Variants in EPHB2 observed in about 807,000 individuals in gnomAD.
EPHB2 encodes ephrin type-B receptor 2.
In EPHB2, 18 loss-of-function variants were observed where a neutral mutation model predicts 96.4. The observed-to-expected ratio is 0.19, with a 90% CI of 0.13 to 0.28. EPHB2 has a LOEUF of 0.28. Ranked by LOEUF, EPHB2 falls within the 10% of genes least tolerant of loss-of-function variation. The pLI, the probability that EPHB2 is intolerant of heterozygous loss-of-function variation, is 1.00. For missense variants in EPHB2, 989 were observed against 1,355.4 expected, an observed-to-expected ratio of 0.73 and a Z score of 4.25; for synonymous variants, 506 against 534.1, an observed-to-expected ratio of 0.95 and a Z score of 0.72.
intron 13 of EPHB2, 109 bp from the exon 14 acceptor site, chr1:22,910,273 C>A: frequency 7.0e-7 from 1 of 1,433,492 alleles, no homozygotes; most frequent in African/African-American, 1.4e-5. Context: ...GTTGCCACAG[C>A]AACTAAATAG....
chr1:22,865,933 C>G (rs1638458766), intron 5 of EPHB2, among the ~76,000 whole-genome samples: 1 of 152,132 alleles, frequency 6.6e-6, no homozygotes, highest in Admixed American at 6.5e-5. Context: ...CACCCCCCAC[C>G]CTTCTTTCCT....
chr1:22,789,898 A>G (rs540315802), intron 3 of EPHB2, among the ~76,000 whole-genome samples: 1 of 152,188 alleles, frequency 6.6e-6, no homozygotes, highest in Non-Finnish European at 1.5e-5. Flanking sequence ...AAAGCATTCC[A>G]GGCAGAGGGT....
At chr1:22,776,126 G>A (rs943215067) in intron 1 of EPHB2, among the ~76,000 whole-genome samples, 6 of 152,086 alleles carry the variant, frequency 3.9e-5, no homozygotes, top group Non-Finnish European at 7.4e-5. Context: ...ACCCCTCCAG[G>A]CTCAGCTCTT....
chr1:22,910,413 T>C lies in EPHB2; in HGVS notation c.2534T>C (p.Leu845Pro). ...AATGCCATTGAGCAGGACTATCGGC[T>C]GCCACCGCCCATGGACTGCCCGAGC... The part of the protein sequence containing the change: ...VINAIEQDYR[L>P]PPPMDCPSAL... The change falls in exon 14 of 16, where the codon CTG becomes CCG. Residue 845 changes from leucine to proline, a missense_variant. Transcript: ENST00000374630. 1 of 1,614,196 alleles carries C rather than the reference T, an allele frequency of 6.2e-7. No individual in the cohort carries two copies. Among genetic ancestry groups the C allele is most frequent in the Non-Finnish European group, 8.5e-7 (1 of 1,180,016 alleles).
intron 1 of EPHB2, among the ~76,000 whole-genome samples, chr1:22,744,860 GAAAAAAAA>G (rs891981031): frequency 6.8e-6 from 1 of 147,300 alleles, no homozygotes; most frequent in Non-Finnish European, 1.5e-5. Flanking sequence ...CTCAAAAAAA[GAAAAAAAA>G]AGAAAAAAAG....
chr1:22,769,373 G>A (rs1644348381), intron 1 of EPHB2, among the ~76,000 whole-genome samples: 1 of 152,118 alleles, frequency 6.6e-6, no homozygotes, highest in South Asian at 2.1e-4. Context: ...TTAAGTCAGT[G>A]ATAGTATCTA....
At chr1:22,759,714 T>G (rs1358964219) in intron 1 of EPHB2, among the ~76,000 whole-genome samples, 3 of 152,170 alleles carry the variant, frequency 2.0e-5, no homozygotes, top group Non-Finnish European at 4.4e-5. Context: ...TTCAAAGCCC[T>G]TTCTACCATC....
intron 1 of EPHB2, among the ~76,000 whole-genome samples, chr1:22,778,981 A>G (rs1490272593): frequency 6.6e-6 from 1 of 152,060 alleles, no homozygotes; most frequent in Non-Finnish European, 1.5e-5. Flanking sequence ...GGATGGGGCC[A>G]CCTGCTTGGC....
chr1:22,769,231 A>G (rs1644346706), intron 1 of EPHB2, among the ~76,000 whole-genome samples: 1 of 152,210 alleles, frequency 6.6e-6, no homozygotes, highest in African/African-American at 2.4e-5. Flanking sequence ...CCAGGGCCAC[A>G]GAACAGAGCC....
At chr1:22,868,576 T>C (rs1325287156) in intron 5 of EPHB2, among the ~76,000 whole-genome samples, 1 of 152,222 alleles carries the variant, frequency 6.6e-6, no homozygotes, top group Non-Finnish European at 1.5e-5. Context: ...GCCTATTTCA[T>C]GTGTCTCCTC....
At chr1:22,797,349 G>A (rs955952442) in intron 3 of EPHB2, among the ~76,000 whole-genome samples, 34 of 152,070 alleles carry the variant, frequency 2.2e-4, no homozygotes, top group Admixed American at 9.2e-4. Flanking sequence ...CATCTTCTTC[G>A]ACCTGCCAGC....
At position 22,875,910 on chromosome 1, in the gene EPHB2, G is replaced by A. The variant is rs12086772; in HGVS notation, c.1304-6449G>A. ...AGGAGGATTTGGCCATGGAAGATGT[G>A]GGGGAAGAGGTTTCCAAGCAGAAAC... is the stretch of plus-strand genomic sequence containing the variant. On this transcript the variant is annotated intron_variant, in intron 5 of 15. Transcript: ENST00000374630. The surrounding 1 kb of genome is among the most constrained non-coding windows in gnomAD (Gnocchi z 4.2). Among the ~76,000 whole-genome samples the A allele has an allele frequency of 0.034, 5,133 of 152,202 alleles. 286 individuals carry two copies. Among genetic ancestry groups the A allele is most frequent in the African/African-American group, 0.12 (4,851 of 41,498 alleles).
chr1:22,838,909 C>T (rs1037455412), intron 3 of EPHB2, among the ~76,000 whole-genome samples: 12 of 151,002 alleles, frequency 7.9e-5, no homozygotes, highest in Admixed American at 2.0e-4. Context: ...CCAGCCTGGG[C>T]GACAGAGTGA....
chr1:22,711,513 G>C (rs1643143897), intron 1 of EPHB2, among the ~76,000 whole-genome samples: 1 of 151,080 alleles, frequency 6.6e-6, no homozygotes, highest in Non-Finnish European at 1.5e-5. Flanking sequence ...CGGGGTGGGG[G>C]CTCCCGGCCC....
chr1:22,784,671 G>A lies in EPHB2; in HGVS notation c.406G>A (p.Val136Met), dbSNP rs772397371. The A allele has an allele frequency of 8.7e-6, 14 of 1,613,970 alleles. No individual in the cohort carries two copies. In the East Asian group the frequency reaches 2.4e-4, roughly 28 times the overall value. ...CCCCAACTGGATGGAGAATCCATGGGTGAAGGTGGATACCATTGCAGCCGA... is the reference window on the plus strand; with the variant it reads ...CCCCAACTGGATGGAGAATCCATGGATGAAGGTGGATACCATTGCAGCCGA... ...TFPNWMENPWVKVDTIAADES... is the reference protein window; with the variant it reads ...TFPNWMENPWMKVDTIAADES... The change falls in exon 3 of 16, where the codon GTG (valine) becomes ATG (methionine). Residue 136 changes from valine (V) to methionine (M), a missense_variant. Physicochemically the swap from Val to Met is conservative, Grantham distance 21. Transcript: ENST00000374630. This position sits in a 1 kb window ranked among gnomAD's most constrained non-coding sequence, Gnocchi z 5.1.
intron 1 of EPHB2, among the ~76,000 whole-genome samples, chr1:22,774,065 G>A (rs895786936): frequency 6.6e-5 from 10 of 152,090 alleles, no homozygotes; most frequent in South Asian, 4.2e-4. Flanking sequence ...AGCCTTCCCC[G>A]ATGTCTTACA....
At chr1:22,787,412 G>A (rs867290585) in intron 3 of EPHB2, among the ~76,000 whole-genome samples, 5 of 152,270 alleles carry the variant, frequency 3.3e-5, no homozygotes, top group African/African-American at 1.2e-4. Flanking sequence ...GACAGGCGGG[G>A]TGTTCAGATG....
chr1:22,749,931 T>C (rs1016492493), intron 1 of EPHB2, among the ~76,000 whole-genome samples: 1 of 152,198 alleles, frequency 6.6e-6, no homozygotes, highest in Non-Finnish European at 1.5e-5. Context: ...CAAAGGACTT[T>C]CTTCTCAAAT....
In EPHB2 at chr1:22,847,292, C is replaced by T. The variant is rs572693808; in HGVS notation, c.812-15745C>T. Reference sequence around the variant, plus strand: ...GCTTGCCCAAGGTCAGTGGCAGACTCAGAGTTCAAGGCCAGAAGGACCCTG... The same window carrying T: ...GCTTGCCCAAGGTCAGTGGCAGACTTAGAGTTCAAGGCCAGAAGGACCCTG... On this transcript the variant is annotated intron_variant, in intron 3 of 15. Transcript: ENST00000374630. Among the ~76,000 whole-genome samples the T allele has an allele frequency of 2.6e-5, 4 of 152,346 alleles. No homozygotes were observed. The South Asian group carries it at 8.3e-4, about 32-fold the overall frequency.
Sources: allele counts gnomAD v4.1 joint callset (sites outside exome capture counted in the v4.1 genomes callset), GRCh38; gene constraint gnomAD v4.1.1; non-coding constraint Gnocchi (gnomAD v3.1); transcripts MANE v1.5; gene names NCBI Gene and HGNC (gene_info 2026-07-23, HGNC 2026-07-21).